The following TENM3 variants were observed in gnomAD, a reference collection of about 807,000 sequenced individuals.
TENM3 encodes teneurin transmembrane protein 3.
Under a neutral mutation model 255.1 loss-of-function variants are expected in TENM3, and 63 were observed. The ratio of observed to expected loss-of-function variants is 0.25; its 90% CI spans 0.20 to 0.30. The LOEUF is 0.30. Among genes scored for constraint, TENM3 ranks in the 10% least tolerant of loss-of-function variants. TENM3 has a pLI of 1.00. For synonymous variants in TENM3, 1,306 were observed against 1,322.3 expected (o/e 0.99, Z 0.27); for missense variants, 2,929 against 3,461.1 (o/e 0.85, Z 3.86).
the TENM3 span, among the ~76,000 whole-genome samples, chr4:182,033,900 C>G: frequency 3.3e-5 from 5 of 152,288 alleles, no homozygotes; most frequent in African/African-American, 1.2e-4. Context: ...AAATTTTCCT[C>G]TATCCCTTTC....
At chr4:182,181,423 C>T (rs758653640) in intron 1 of TENM3, among the ~76,000 whole-genome samples, 9 of 152,138 alleles carry the variant, frequency 5.9e-5, no homozygotes, top group African/African-American at 1.2e-4. Flanking sequence ...CTGCGGGAGC[C>T]GCGGAGCTCA....
At chr4:181,593,959 G>A in the TENM3 span, among the ~76,000 whole-genome samples, 1 of 151,506 alleles carries the variant, frequency 6.6e-6, no homozygotes, top group South Asian at 2.1e-4. Context: ...CGGTCATTAA[G>A]ATAAATAGAA....
the TENM3 span, among the ~76,000 whole-genome samples, chr4:182,060,295 C>T: frequency 6.6e-6 from 1 of 152,040 alleles, no homozygotes; most frequent in Non-Finnish European, 1.5e-5. Context: ...CTTTTTGGCA[C>T]CAGGGACCAA....
At chr4:181,812,520 T>G in the TENM3 span, among the ~76,000 whole-genome samples, 1 of 152,238 alleles carries the variant, frequency 6.6e-6, no homozygotes, top group Non-Finnish European at 1.5e-5. Flanking sequence ...TGTATGTTTT[T>G]AAAAGCATCA....
chr4:182,536,531 G>A (rs556502867), intron 3 of TENM3, among the ~76,000 whole-genome samples: 6 of 152,308 alleles, frequency 3.9e-5, no homozygotes, highest in Non-Finnish European at 7.3e-5. Flanking sequence ...CATCCTGGCC[G>A]CCGCAAAAAG....
the TENM3 span, among the ~76,000 whole-genome samples, chr4:181,719,234 A>ATAAC: frequency 6.6e-6 from 1 of 151,138 alleles, no homozygotes; most frequent in South Asian, 2.1e-4. Flanking sequence ...AAATAAATAA[A>ATAAC]TAAATAAAAT....
intron 22 of TENM3, among the ~76,000 whole-genome samples, chr4:182,756,558 G>A (rs1762758147): frequency 6.6e-6 from 1 of 152,142 alleles, no homozygotes; most frequent in Admixed American, 6.5e-5. Context: ...TCCTTAGTGT[G>A]GTTTTCACAA....
intron 3 of TENM3, among the ~76,000 whole-genome samples, chr4:182,475,004 T>A (rs931040635): frequency 2.5e-4 from 38 of 152,210 alleles, no homozygotes; most frequent in Admixed American, 1.3e-4. Context: ...AGAGTTGATG[T>A]TAGTCATGCT....
intron 3 of TENM3, among the ~76,000 whole-genome samples, chr4:182,366,373 A>T (rs1309287251): frequency 1.3e-5 from 2 of 151,734 alleles, no homozygotes; most frequent in African/African-American, 4.8e-5. Context: ...AAATATAATT[A>T]TATTTTTTCC....
chr4:182,353,040 C>T (rs1488522035), intron 3 of TENM3, among the ~76,000 whole-genome samples: 1 of 152,126 alleles, frequency 6.6e-6, no homozygotes, highest in African/African-American at 2.4e-5. Flanking sequence ...CCAGCTATGT[C>T]ATGTACTTGC....
chr4:182,010,903 G>A, the TENM3 span, among the ~76,000 whole-genome samples: 4 of 152,158 alleles, frequency 2.6e-5, no homozygotes, highest in Non-Finnish European at 4.4e-5. Flanking sequence ...GCCATCAGCA[G>A]TTACCTGGCT....
chr4:181,595,901 G>A, the TENM3 span, among the ~76,000 whole-genome samples: 120 of 152,228 alleles, frequency 7.9e-4, no homozygotes, highest in African/African-American at 2.7e-3. Flanking sequence ...TTCACAGAGA[G>A]CTATTCCAGG....
chr4:182,504,967 G>C (rs1034526863), intron 3 of TENM3, among the ~76,000 whole-genome samples: 1 of 152,176 alleles, frequency 6.6e-6, no homozygotes, highest in African/African-American at 2.4e-5. Flanking sequence ...TATTGGGAGG[G>C]TGATCTTATT....
At chr4:182,718,277 A>C (rs1478283693) in intron 13 of TENM3, among the ~76,000 whole-genome samples, 1 of 152,202 alleles carries the variant, frequency 6.6e-6, no homozygotes, top group Non-Finnish European at 1.5e-5. Context: ...TTCATCTGTT[A>C]ACTCTGCTTT....
At chr4:182,510,684 T>A (rs1737306844) in intron 3 of TENM3, among the ~76,000 whole-genome samples, 1 of 152,204 alleles carries the variant, frequency 6.6e-6, no homozygotes, top group South Asian at 2.1e-4. Flanking sequence ...CTGTAGAGAA[T>A]CTTCGACATG....
At chr4:181,812,989 T>C in the TENM3 span, among the ~76,000 whole-genome samples, 1 of 152,190 alleles carries the variant, frequency 6.6e-6, no homozygotes, top group African/African-American at 2.4e-5. Flanking sequence ...ACCTTCCATC[T>C]CTTGAAGATA....
intron 1 of TENM3, among the ~76,000 whole-genome samples, chr4:182,299,757 C>T (rs372763421): frequency 6.7e-6 from 1 of 150,366 alleles, no homozygotes; most frequent in Admixed American, 6.6e-5. Flanking sequence ...TGACTGATGG[C>T]GGAGGATGCC....
At chr4:181,654,286 A>G in the TENM3 span, among the ~76,000 whole-genome samples, 3 of 151,796 alleles carry the variant, frequency 2.0e-5, no homozygotes, top group Admixed American at 6.6e-5. Context: ...TTCAGGCTTC[A>G]GTGATTTGGC....
the TENM3 span, among the ~76,000 whole-genome samples, chr4:181,749,564 C>G: frequency 6.6e-6 from 1 of 152,154 alleles, no homozygotes. Context: ...GAAAGTCTCT[C>G]TCTGCTTTTC....
Sources: gnomAD v4.1 joint callset for allele counts (sites outside exome capture counted in the v4.1 genomes callset) on GRCh38, gnomAD v4.1.1 for gene constraint, MANE v1.5 for transcripts, NCBI Gene and HGNC (gene_info 2026-07-23, HGNC 2026-07-21) for gene names.